The following HERPUD2 variants were observed in gnomAD, a reference collection of about 807,000 sequenced individuals.
The protein encoded by HERPUD2 is HERPUD family member 2.
In HERPUD2, 13 loss-of-function variants were observed where a neutral mutation model predicts 49.9. The observed-to-expected ratio is 0.26, with a 90% CI of 0.17 to 0.41. HERPUD2 has a LOEUF of 0.41. HERPUD2 is among the 10% of genes least tolerant of loss of function. The pLI is 1.00. For synonymous variants in HERPUD2, 172 were observed against 171.4 expected (o/e 1.00, Z -0.03); for missense variants, 449 against 492.2 (o/e 0.91, Z 0.83).
At chr7:35,691,752 G>A (rs549463924) in intron 2 of HERPUD2, among the ~76,000 whole-genome samples, 4 of 152,156 alleles carry the variant, frequency 2.6e-5, no homozygotes, top group Admixed American at 6.5e-5. Context: ...AGCAAACTGT[G>A]CTGAATTCTA....
At chr7:35,684,174 CAGG>C (rs1215449045) in intron 2 of HERPUD2, among the ~76,000 whole-genome samples, 2 of 151,388 alleles carry the variant, frequency 1.3e-5, no homozygotes, top group African/African-American at 4.9e-5. Context: ...ATCATGAGGT[CAGG>C]AGATCAACAC....
chr7:35,658,399 G>C (rs1252809255), intron 5 of HERPUD2, among the ~76,000 whole-genome samples: 2 of 152,106 alleles, frequency 1.3e-5, no homozygotes, highest in Admixed American at 1.3e-4. Context: ...AAATACAGCA[G>C]AGTAGGCTGA....
chr7:35,680,116 A>C (rs1186904405), intron 2 of HERPUD2, among the ~76,000 whole-genome samples: 1 of 152,136 alleles, frequency 6.6e-6, no homozygotes, highest in Non-Finnish European at 1.5e-5. Flanking sequence ...TCTTTTAAAA[A>C]CTTAAATCAG....
rs3779234 is a variant in HERPUD2 at position 35,670,232 on chromosome 7, C to A, written c.322G>T (p.Ala108Ser). The change falls in exon 4 of 9, where the codon GCA becomes TCA. Residue 108 changes from alanine (A) to serine (S), a missense_variant. Transcript: ENST00000311350. ...STNRESHEAL[A>S]SSSNSSSDHS... ...CAACTCACAGAATTGCTGCTGGATGCCAATGCTTCATGACTTTCTCTATTG... is the reference window on the plus strand; with the variant it reads ...CAACTCACAGAATTGCTGCTGGATGACAATGCTTCATGACTTTCTCTATTG... 2 of 1,558,926 alleles carry A rather than the reference C, an allele frequency of 1.3e-6. No individual in the cohort carries two copies. The highest frequency in any genetic ancestry group is 1.7e-6 in the Non-Finnish European group (2 of 1,143,446).
At chr7:35,649,402 C>T (rs1393472867) in intron 5 of HERPUD2, among the ~76,000 whole-genome samples, 2 of 152,016 alleles carry the variant, frequency 1.3e-5, no homozygotes, top group African/African-American at 4.8e-5. Flanking sequence ...GTTACTAAAA[C>T]GTTAGTAATC....
chr7:35,635,509 A>G (rs1459505514), intron 6 of HERPUD2, 51 bp from the exon 7 acceptor site: 1 of 1,475,534 alleles, frequency 6.8e-7, no homozygotes, highest in East Asian at 2.3e-5. Context: ...ACTTTACCAT[A>G]CCATATTTTT....
In HERPUD2 at chr7:35,682,353, GTGTGTATA is replaced by G. The variant is rs1335263635; in HGVS notation, c.148-9083_148-9076del. On this transcript the variant is annotated intron_variant, in intron 2 of 8. Transcript: ENST00000311350. ...TGTGTGTGTGTGTGTGTGTGTGTGT[GTGTGTATA>G]TATATATATATATATATATATATAT... Among the ~76,000 whole-genome samples, 21 of 27,592 alleles carry G rather than the reference GTGTGTATA, an allele frequency of 7.6e-4. 2 individuals carry two copies. Among genetic ancestry groups the G allele is most frequent in the South Asian group, 1.4e-3 (1 of 708 alleles). 18.1% of individuals were successfully genotyped at this position (27,592 alleles called of 152,430 possible).
chr7:35,648,760 C>A (rs6462620), intron 5 of HERPUD2, among the ~76,000 whole-genome samples: 98,029 of 152,030 alleles, frequency 0.64, 32,805 homozygotes, highest in African/African-American at 0.83. Flanking sequence ...CTTGAAACGG[C>A]CCTGAACTCA....
intron 5 of HERPUD2, among the ~76,000 whole-genome samples, chr7:35,658,177 C>T (rs1583551245): frequency 1.3e-5 from 2 of 152,102 alleles, no homozygotes; most frequent in Non-Finnish European, 2.9e-5. Flanking sequence ...TCATTTGCAG[C>T]AACACAAATG....
At chr7:35,649,252 G>GAA (rs750758740) in intron 5 of HERPUD2, among the ~76,000 whole-genome samples, 6 of 119,588 alleles carry the variant, frequency 5.0e-5, no homozygotes, top group Non-Finnish European at 8.8e-5. Context: ...CTCCATCTCT[G>GAA]AAAAAAAAAA....
At chr7:35,677,558 C>T (rs1211835403) in intron 2 of HERPUD2, among the ~76,000 whole-genome samples, 5 of 152,052 alleles carry the variant, frequency 3.3e-5, no homozygotes, top group Non-Finnish European at 5.9e-5. Flanking sequence ...AGGAGAGACA[C>T]GTAGAGATAG....
intron 2 of HERPUD2, among the ~76,000 whole-genome samples, chr7:35,688,647 C>CT (rs2116050093): frequency 1.3e-5 from 2 of 152,312 alleles, no homozygotes; most frequent in Admixed American, 1.3e-4. Context: ...CATAGTAAGG[C>CT]TGTTATCCAT....
chr7:35,667,614 A>G (rs1184927996), intron 4 of HERPUD2, 26 bp from the exon 5 acceptor site: 15 of 1,556,966 alleles, frequency 9.6e-6, no homozygotes, highest in South Asian at 5.6e-5. Flanking sequence ...TAATTTTTAA[A>G]AGGAGATTTA....
At chr7:35,658,429 T>G (rs1243185185) in intron 5 of HERPUD2, among the ~76,000 whole-genome samples, 2 of 152,128 alleles carry the variant, frequency 1.3e-5, no homozygotes, top group Non-Finnish European at 2.9e-5. Flanking sequence ...GCAACAATGC[T>G]GTAAATTTCA....
At chr7:35,667,725 G>T in intron 4 of HERPUD2, 137 bp from the exon 5 acceptor site, 1 of 636,700 alleles carries the variant, frequency 1.6e-6, no homozygotes, top group Non-Finnish European at 2.6e-6. Flanking sequence ...TACATCGTGT[G>T]TCCAGTATAA....
At chr7:35,638,521 T>C (rs1316188065) in intron 5 of HERPUD2, 49 bp from the exon 6 acceptor site, 1 of 1,549,818 alleles carries the variant, frequency 6.5e-7, no homozygotes, top group South Asian at 1.2e-5. Flanking sequence ...CAGCTAAAAG[T>C]ATTATTCTAA....
At chr7:35,686,747 C>CAAA (rs1187930200) in intron 2 of HERPUD2, among the ~76,000 whole-genome samples, 425 of 20,496 alleles carry the variant, frequency 0.021, 47 homozygotes, top group Non-Finnish European at 0.026. Context: ...AAAAAAAAAC[C>CAAA]AAACCCATTT....
rs186587787 is a variant in HERPUD2, at chr7:35,640,432, T to A, written c.495-1960A>T. 1.9e-3 allele frequency among the ~76,000 whole-genome samples: 285 copies of A among 152,300 alleles called. 2 individuals are homozygous for A. Among genetic ancestry groups the A allele is most frequent in the Middle Eastern group, 6.8e-3 (2 of 294 alleles). On this transcript the variant is annotated intron_variant, in intron 5 of 8. Coordinates refer to ENST00000311350, the MANE Select transcript of HERPUD2 (RefSeq NM_022373.5). ...GAAAAGCCACTAACCATTACTTTTT[T>A]AAAAAGTTATAGCTTCCCATGTCAC...
intron 5 of HERPUD2, among the ~76,000 whole-genome samples, chr7:35,663,285 C>T (rs922649141): frequency 2.6e-5 from 4 of 152,070 alleles, no homozygotes; most frequent in African/African-American, 9.7e-5. Context: ...TTATAATTTA[C>T]TGTTCTTTTA....
Sources: allele counts gnomAD v4.1 joint callset (sites outside exome capture counted in the v4.1 genomes callset), GRCh38; gene constraint gnomAD v4.1.1; transcripts MANE v1.5; gene names NCBI Gene and HGNC (gene_info 2026-07-23, HGNC 2026-07-21).